SLIT1: variants seen among roughly 807,000 people sequenced by gnomAD.
SLIT1 encodes the protein slit guidance ligand 1, also known as slit homolog 1 protein.
In SLIT1, 66 loss-of-function variants were observed where a neutral mutation model predicts 186.1. That is an observed-to-expected ratio of 0.35 (90% CI 0.29 to 0.44). The LOEUF (loss-of-function observed/expected upper bound fraction) is 0.44, where lower values mean the gene tolerates loss of function less well. Among genes scored for constraint, SLIT1 ranks in the 20% least tolerant of loss-of-function variants. The pLI, the probability that SLIT1 is intolerant of heterozygous loss-of-function variation, is 1.00. For synonymous variants in SLIT1, 761 were observed against 833.8 expected (o/e 0.91, Z 1.50); for missense variants, 1,638 against 2,037.4 (o/e 0.80, Z 3.77).
intron 1 of SLIT1, among the ~76,000 whole-genome samples, chr10:97,168,778 T>C (rs1357216444): frequency 1.3e-5 from 2 of 152,234 alleles, no homozygotes; most frequent in African/African-American, 4.8e-5. Context: ...ATTTTACATA[T>C]CATTCATCAC....
intron 24 of SLIT1, 99 bp downstream of exon 24, chr10:97,031,505 AGC>A: frequency 2.3e-6 from 2 of 871,826 alleles, no homozygotes; most frequent in Non-Finnish European, 3.6e-6. Context: ...ACCATGGCAC[AGC>A]GTGGGCCCTA....
intron 3 of SLIT1, among the ~76,000 whole-genome samples, chr10:97,161,755 G>T (rs1430687541): frequency 6.6e-6 from 1 of 152,172 alleles, no homozygotes; most frequent in Admixed American, 6.5e-5. Context: ...TCCAGCCTGG[G>T]CAACAAGAGT....
chr10:97,079,246 G>A (rs1849079238), intron 4 of SLIT1, among the ~76,000 whole-genome samples: 1 of 152,158 alleles, frequency 6.6e-6, no homozygotes, highest in South Asian at 2.1e-4. Flanking sequence ...GCTGTTGGAA[G>A]CCAGGATTGT....
intron 4 of SLIT1, among the ~76,000 whole-genome samples, chr10:97,130,751 G>A (rs1475278585): frequency 1.3e-5 from 2 of 152,164 alleles, no homozygotes; most frequent in Non-Finnish European, 2.9e-5. Context: ...GCTACTGGGA[G>A]GATTAAATGA....
intron 4 of SLIT1, among the ~76,000 whole-genome samples, chr10:97,085,628 C>T (rs551977552): frequency 5.2e-4 from 79 of 152,266 alleles, no homozygotes; most frequent in African/African-American, 1.7e-3. Flanking sequence ...CCCCGTGATC[C>T]GCCCGCCTCA....
chr10:97,030,901 G>C (rs1304267916), intron 24 of SLIT1, 73 bp from the exon 25 acceptor site: 1 of 1,315,714 alleles, frequency 7.6e-7, no homozygotes, highest in African/African-American at 1.5e-5. Context: ...GAGAGGCCCA[G>C]CCCTCTGCAG....
intron 12 of SLIT1, 44 bp from the exon 13 acceptor site, chr10:97,056,508 C>T: frequency 6.2e-7 from 1 of 1,604,890 alleles, no homozygotes; most frequent in Non-Finnish European, 8.5e-7. Context: ...AGAGGCTCGA[C>T]CTGAGACCCA....
rs747939333 is a variant in SLIT1, at chr10:97,040,070, C to T, written c.2215G>A (p.Ala739Thr). 13 of 1,609,274 alleles carry T rather than the reference C, an allele frequency of 8.1e-6. No individual in the cohort carries two copies. Among genetic ancestry groups the T allele is most frequent in the African/African-American group, 5.3e-5 (4 of 74,812 alleles). ...LPRPQCPQEC[A>T]CLDTVVRCSN... ...CATCGGACCACGGTGTCCAGGCAGGCGCACTCCTGTGGGCACTGTGGGCGG... is the reference window on the plus strand; with the variant it reads ...CATCGGACCACGGTGTCCAGGCAGGTGCACTCCTGTGGGCACTGTGGGCGG... The change falls in exon 21 of 37, where the codon GCC becomes ACC. Residue 739 changes from alanine to threonine, a missense_variant. Physicochemically the swap from Ala to Thr is moderately conservative, Grantham distance 58 (BLOSUM62 0). Coordinates refer to ENST00000266058, the MANE Select transcript of SLIT1 (RefSeq NM_003061.3).
intron 4 of SLIT1, among the ~76,000 whole-genome samples, chr10:97,073,558 TC>T (rs1849020228): frequency 6.6e-6 from 1 of 151,730 alleles, no homozygotes; most frequent in East Asian, 1.9e-4. Flanking sequence ...ATCCCCAGAG[TC>T]AGACCCAGGA....
chr10:97,156,878 G>A (rs1222205825), intron 4 of SLIT1, among the ~76,000 whole-genome samples: 1 of 152,088 alleles, frequency 6.6e-6, no homozygotes, highest in Non-Finnish European at 1.5e-5. Context: ...GTAGTGCTGT[G>A]CCAGGCATGC....
chr10:97,043,488 A>C lies in SLIT1; in HGVS notation c.1879T>G (p.Cys627Gly). 2 of 1,613,700 alleles carry C rather than the reference A, an allele frequency of 1.2e-6. No homozygotes were observed. Among genetic ancestry groups the C allele is most frequent in the Non-Finnish European group, 1.7e-6 (2 of 1,179,920 alleles). ...CCCGTGAAGCTGTCGTTGTGGATGC[A>C]GCTGATGCGGTTGTTCCGCAGCATT... Reference protein sequence around the residue: ...TLMLRNNRISCIHNDSFTGLR... With the variant: ...TLMLRNNRISGIHNDSFTGLR... Residue 627 changes from cysteine to glycine, a missense_variant, in exon 19 of 37, where the codon TGC becomes GGC. Physicochemically the swap from Cys to Gly is radical, Grantham distance 159. This residue lies in a region of SLIT1 where 1,245 missense variants were observed against 1,535.3 expected (regional missense o/e 0.81). Coordinates refer to ENST00000266058, the MANE Select transcript of SLIT1 (RefSeq NM_003061.3). This position sits in a 1 kb window ranked among gnomAD's most constrained non-coding sequence, Gnocchi z 7.0.
intron 4 of SLIT1, among the ~76,000 whole-genome samples, chr10:97,116,329 C>A (rs1459949496): frequency 1.3e-5 from 2 of 152,156 alleles, no homozygotes; most frequent in Non-Finnish European, 2.9e-5. Context: ...CTAGAGAAGA[C>A]CATCTCCTGA....
chr10:97,014,566 G>A lies in SLIT1; in HGVS notation c.2970-408C>T, dbSNP rs114776215. Among the ~76,000 whole-genome samples, 390 of 152,248 alleles carry A rather than the reference G, an allele frequency of 2.6e-3. 4 individuals carry two copies. The highest frequency in any genetic ancestry group is 8.5e-3 in the African/African-American group (355 of 41,540). On this transcript the variant is annotated intron_variant, in intron 28 of 36. Transcript: ENST00000266058. ...GGAGGAAGGTGACTGGGGCAGAGGTGTGTGTAAAAGCCTGGAGTGGCCAGG... is the reference window on the plus strand; with the variant it reads ...GGAGGAAGGTGACTGGGGCAGAGGTATGTGTAAAAGCCTGGAGTGGCCAGG...
chr10:97,100,345 C>T (rs774489398), intron 4 of SLIT1, among the ~76,000 whole-genome samples: 1 of 152,022 alleles, frequency 6.6e-6, no homozygotes, highest in African/African-American at 2.4e-5. Context: ...AATTTTTGGC[C>T]GGGTGCAGTG....
rs1276868105 is a variant in SLIT1, at chr10:97,006,819, AT to A, written c.3342-100del. The A allele has an allele frequency of 1.2e-6, 1 of 809,000 alleles. No homozygotes were observed. The highest frequency in any genetic ancestry group is 2.0e-6 in the Non-Finnish European group (1 of 491,520). The allele number at this position is 809,000 out of a possible 1,614,324, so 50.1% of individuals were successfully genotyped here. On this transcript the variant is annotated intron_variant, in intron 31 of 36. Transcript: ENST00000266058. The surrounding 1 kb of genome is among the most constrained non-coding windows in gnomAD (Gnocchi z 4.0). ...GAAATTCACTAAACATCTTGGGAAA[AT>A]GGATTCTTAAAGCGACAGAAGATGC...
At chr10:97,125,533 C>CAA (rs34143370) in intron 4 of SLIT1, among the ~76,000 whole-genome samples, 55,976 of 115,100 alleles carry the variant, frequency 0.49, 15,067 homozygotes, top group Non-Finnish European at 0.61. Context: ...GACCCTGTGT[C>CAA]AAAAAAAAAA....
chr10:97,047,031 C>T lies in SLIT1; in HGVS notation c.1669G>A (p.Ala557Thr). 1 of 1,612,744 alleles carries T rather than the reference C, an allele frequency of 6.2e-7. No homozygotes were observed. The highest frequency in any genetic ancestry group is 8.5e-7 in the Non-Finnish European group (1 of 1,178,718). Residue 557 changes from alanine to threonine, a missense_variant, in exon 17 of 37, where the codon GCC becomes ACC. Transcript: ENST00000266058. ...LNNNEISILE[A>T]TGMFKKLTHL... ...GTAAGTTTTTTAAACATCCCAGTGG[C>T]CTCCAGGATGGAAATCTCATTGTTA...
At chr10:97,092,940 C>A (rs1849248881) in intron 4 of SLIT1, among the ~76,000 whole-genome samples, 2 of 152,220 alleles carry the variant, frequency 1.3e-5, no homozygotes, top group South Asian at 4.1e-4. Context: ...GGCTTCATTT[C>A]ACATAAGAGG....
At chr10:97,037,295 T>C (rs1373322776) in intron 22 of SLIT1, among the ~76,000 whole-genome samples, 4 of 152,066 alleles carry the variant, frequency 2.6e-5, no homozygotes, top group Non-Finnish European at 5.9e-5. Context: ...GGTTTCTCCA[T>C]GTTGATCAGG....
Sources: allele counts gnomAD v4.1 joint callset (sites outside exome capture counted in the v4.1 genomes callset), GRCh38; gene constraint gnomAD v4.1.1; regional missense constraint gnomAD v4.1.1; non-coding constraint Gnocchi (gnomAD v3.1); transcripts MANE v1.5; gene names NCBI Gene and HGNC (gene_info 2026-07-23, HGNC 2026-07-21).